Variants in NFKBIB observed in about 807,000 individuals in gnomAD.
NFKBIB encodes NF-kappa-B inhibitor beta.
In NFKBIB, 16 loss-of-function variants were observed where a neutral mutation model predicts 32.1. That is an observed-to-expected ratio of 0.50 (90% CI 0.34 to 0.76). The LOEUF is 0.76. NFKBIB is among the 30% of genes least tolerant of loss of function. The probability of loss-of-function intolerance (pLI) is 0.01; values close to 1 mark genes in which losing one functional copy is unlikely to be tolerated. For missense variants in NFKBIB, 437 were observed against 514.9 expected (o/e 0.85, Z 1.46); for synonymous variants, 222 against 219.5 (o/e 1.01, Z -0.10).
rs1436360867 is a variant in NFKBIB, at chr19:38,905,764, C to T, written c.619+229C>T. On this transcript the variant is annotated intron_variant, in intron 3 of 5. Transcript: ENST00000313582. This position sits in a 1 kb window ranked among gnomAD's most constrained non-coding sequence, Gnocchi z 5.5. ...GGCCCCAGGTCACTTGGGATGCAGA[C>T]CTGTCACCCACAGACCCAGAGCTGC... Among the ~76,000 whole-genome samples, 1 of 152,022 alleles carries T rather than the reference C, an allele frequency of 6.6e-6. No homozygotes were observed. Among genetic ancestry groups the T allele is most frequent in the Non-Finnish European group, 1.5e-5 (1 of 67,978 alleles).
chr19:38,903,434 C>A (rs1351093670), intron 1 of NFKBIB, among the ~76,000 whole-genome samples: 7 of 152,054 alleles, frequency 4.6e-5, no homozygotes, highest in Non-Finnish European at 1.0e-4. Context: ...CAGGCGCATG[C>A]CACCATGCCT....
At chr19:38,903,592 G>T (rs1974030682) in intron 1 of NFKBIB, among the ~76,000 whole-genome samples, 2 of 151,980 alleles carry the variant, frequency 1.3e-5, no homozygotes, top group South Asian at 4.2e-4. Flanking sequence ...CCAGCATAAT[G>T]AACTGTTTTA....
At position 38,906,095 on chromosome 19, in the gene NFKBIB, C is replaced by T. The variant is rs977545360; in HGVS notation, c.619+560C>T. On this transcript the variant is annotated intron_variant, in intron 3 of 5. Coordinates refer to ENST00000313582, the MANE Select transcript of NFKBIB (RefSeq NM_002503.5). ...GACCCAGTGTTCAGGGCCTGCCTCT[C>T]GCCCCCAGGTCACAGGCTTTTCAGC... 2.9e-4 allele frequency among the ~76,000 whole-genome samples: 43 copies of T among 150,790 alleles called. 1 individual carries two copies. The highest frequency in any genetic ancestry group is 3.2e-4 in the African/African-American group (13 of 40,902).
chr19:38,906,205 G>A (rs1231113281), intron 3 of NFKBIB, among the ~76,000 whole-genome samples: 2 of 145,492 alleles, frequency 1.4e-5, no homozygotes, highest in Non-Finnish European at 3.0e-5. Flanking sequence ...CGTGATCTTG[G>A]CTCACTGCAA....
Position 38,905,150 on chromosome 19 carries a change from G to C in NFKBIB, c.285+30G>C. 1.9e-6 allele frequency: 3 copies of C among 1,612,832 alleles called. No homozygotes were observed. The highest frequency in any genetic ancestry group is 2.5e-6 in the Non-Finnish European group (3 of 1,179,322). ...GCCACGAGGGATGGTGTAGGGCTTGGGGTCCAGGGTTCCCAGTGTGACTCC... is the reference window on the plus strand; with the variant it reads ...GCCACGAGGGATGGTGTAGGGCTTGCGGTCCAGGGTTCCCAGTGTGACTCC... On this transcript the variant is annotated intron_variant, in intron 2 of 5. Coordinates refer to ENST00000313582, the MANE Select transcript of NFKBIB (RefSeq NM_002503.5). The surrounding 1 kb of genome is among the most constrained non-coding windows in gnomAD (Gnocchi z 5.5).
At chr19:38,902,166 C>T (rs1973990880) in intron 1 of NFKBIB, among the ~76,000 whole-genome samples, 1 of 146,052 alleles carries the variant, frequency 6.8e-6, no homozygotes, top group Non-Finnish European at 1.5e-5. Context: ...CTGCAAGCTC[C>T]GCCTCCCAGG....
At chr19:38,907,688 C>T (rs756915146) in intron 5 of NFKBIB, 29 bp downstream of exon 5, 10 of 1,572,682 alleles carry the variant, frequency 6.4e-6, no homozygotes, top group Non-Finnish European at 8.6e-6. Context: ...CAGGGCAGCC[C>T]AGCTGGGGGG....
Position 38,907,226 on chromosome 19 carries a change from AC to A in NFKBIB, c.629del (p.Pro210HisfsTer52). On this transcript the variant is annotated frameshift_variant, in exon 4 of 6. Transcript: ENST00000313582. LOFTEE classifies it high-confidence loss of function. ...QLEAENYEGH[T>X]PLHVAVIHKD... is the part of the protein sequence containing the mutation. ...GCCAATCACTCTGTCCCCAGGCCACACCCCACTCCACGTGGCCGTTATCCAC... is the reference window on the plus strand; with the variant it reads ...GCCAATCACTCTGTCCCCAGGCCACACCCACTCCACGTGGCCGTTATCCAC... 1 of 1,611,274 alleles carries A rather than the reference AC, an allele frequency of 6.2e-7. No individual in the cohort carries two copies.
rs777670677 is a variant in NFKBIB, at chr19:38,905,423, T to G, written c.507T>G (p.Thr169=). 6.2e-7 allele frequency: 1 copy of G among 1,613,636 alleles called. No individual in the cohort carries two copies. The highest frequency in any genetic ancestry group is 1.3e-5 in the African/African-American group (1 of 74,844). ...ACCTCGCTCAGGGCCCTGACCGTAC[T>G]CCCGACACCAACCATACCCCTGTCG... ...DTYLAQGPDR[T]PDTNHTPVAL... is the part of the protein sequence containing the mutation. The change falls in exon 3 of 6, where the codon ACT becomes ACG. Residue 169 remains threonine, a synonymous_variant. Transcript: ENST00000313582. This position sits in a 1 kb window ranked among gnomAD's most constrained non-coding sequence, Gnocchi z 5.5.
At chr19:38,908,508 C>T (rs1974221074) in intron 5 of NFKBIB, 5 of 1,249,262 alleles carry the variant, frequency 4.0e-6, no homozygotes, top group Non-Finnish European at 5.0e-6. Flanking sequence ...CACTGCATTC[C>T]AGCCTGGGCA....
Position 38,904,886 on chromosome 19 carries a change from A to C in NFKBIB, c.180-129A>C, listed in dbSNP as rs549706024. 21 of 790,034 alleles carry C rather than the reference A, an allele frequency of 2.7e-5. No individual in the cohort carries two copies. In the East Asian group the frequency reaches 4.9e-4, roughly 19 times the overall value. The allele number at this position is 790,034 out of a possible 1,614,324, so 48.9% of individuals were successfully genotyped here. Reference sequence around the variant, plus strand: ...ATGAAACTCTGACCTCTGACCTCCCAGATAGCTGACAGGGGGTTCCAGAAC... The same window carrying C: ...ATGAAACTCTGACCTCTGACCTCCCCGATAGCTGACAGGGGGTTCCAGAAC... On this transcript the variant is annotated intron_variant, in intron 1 of 5. Coordinates refer to ENST00000313582, the MANE Select transcript of NFKBIB (RefSeq NM_002503.5).
intron 5 of NFKBIB, 173 bp downstream of exon 5, chr19:38,907,832 A>G: frequency 7.0e-7 from 1 of 1,421,608 alleles, no homozygotes; most frequent in Non-Finnish European, 9.2e-7. Context: ...GGGTGGTGGG[A>G]AGAGCTTGGG....
chr19:38,901,397 TGA>T (rs1337005011), intron 1 of NFKBIB, among the ~76,000 whole-genome samples: 1 of 151,914 alleles, frequency 6.6e-6, no homozygotes, highest in Non-Finnish European at 1.5e-5. Context: ...CTGGCTCAAG[TGA>T]TCCTTGCACC....
intron 1 of NFKBIB, 110 bp from the exon 2 acceptor site, chr19:38,904,905 C>T: frequency 1.0e-6 from 1 of 965,208 alleles, no homozygotes; most frequent in Non-Finnish European, 1.6e-6. Flanking sequence ...ACAGGGGGTT[C>T]CAGAACTGTG....
intron 1 of NFKBIB, among the ~76,000 whole-genome samples, chr19:38,903,515 T>A (rs1974028209): frequency 6.6e-6 from 1 of 152,022 alleles, no homozygotes; most frequent in South Asian, 2.1e-4. Flanking sequence ...CTCAAACTCC[T>A]GACCTCAAGT....
chr19:38,907,025 A>T (rs1344372209), intron 3 of NFKBIB, among the ~76,000 whole-genome samples, 196 bp from the exon 4 acceptor site: 2 of 152,230 alleles, frequency 1.3e-5, no homozygotes, highest in Non-Finnish European at 2.9e-5. Context: ...CTCAGGCACT[A>T]GCACTTGCCA....
In NFKBIB at chr19:38,900,286, G is replaced by A. The variant is rs144742262; in HGVS notation, c.179+75G>A. The A allele has an allele frequency of 1.1e-4, 164 of 1,453,362 alleles. No homozygotes were observed. The African/African-American group carries it at 2.0e-3, about 18-fold the overall frequency. 90.0% of individuals were successfully genotyped at this position (1,453,362 alleles called of 1,614,324 possible). A position where few individuals can be genotyped will look rare whatever the true frequency, so the allele number is the denominator to read the frequency against. Reference sequence around the variant, plus strand: ...TTCCTCATTAATCTCTGATCCCTGAGGCTTCCTAACCTCATACTCCTAAAT... The same window carrying A: ...TTCCTCATTAATCTCTGATCCCTGAAGCTTCCTAACCTCATACTCCTAAAT... On this transcript the variant is annotated intron_variant, in intron 1 of 5. Transcript: ENST00000313582.
intron 1 of NFKBIB, among the ~76,000 whole-genome samples, chr19:38,903,360 T>G (rs1231365067): frequency 1.3e-5 from 2 of 152,096 alleles, no homozygotes; most frequent in African/African-American, 4.8e-5. Flanking sequence ...CTCAGCTCAC[T>G]GCAACCTCCA....
At chr19:38,899,704 C>T (rs1973872179), upstream of NFKBIB, 2 of 893,542 alleles carry the variant, frequency 2.2e-6, no homozygotes, top group Admixed American at 2.0e-5. Context: ...CGGCCGCAGA[C>T]GCGCTTTCGT....
Sources: gnomAD v4.1 joint callset for allele counts (sites outside exome capture counted in the v4.1 genomes callset) on GRCh38, gnomAD v4.1.1 for gene constraint, Gnocchi (gnomAD v3.1) non-coding constraint, MANE v1.5 for transcripts, NCBI Gene and HGNC (gene_info 2026-07-23, HGNC 2026-07-21) for gene names.